The following KLHL6 variants were observed in gnomAD, a reference collection of about 807,000 sequenced individuals.
KLHL6 encodes kelch like family member 6.
Under a neutral mutation model 58.6 loss-of-function variants are expected in KLHL6, and 41 were observed. That is an observed-to-expected ratio of 0.70 (90% CI 0.55 to 0.91). The LOEUF (loss-of-function observed/expected upper bound fraction) is 0.91. KLHL6 is among the 40% of genes least tolerant of loss of function. The pLI is 0.00. For missense variants in KLHL6, 714 were observed against 805.6 expected, an observed-to-expected ratio of 0.89 and a Z score of 1.38; for synonymous variants, 338 against 322.7, an observed-to-expected ratio of 1.05 and a Z score of -0.51.
At chr3:183,535,778 G>A (rs1274435198) in intron 1 of KLHL6, among the ~76,000 whole-genome samples, 1 of 151,206 alleles carries the variant, frequency 6.6e-6, no homozygotes, top group African/African-American at 2.5e-5. Flanking sequence ...GCTAGCCACG[G>A]CTTCCGAATT....
chr3:183,492,533 T>C lies in KLHL6; in HGVS notation c.1525A>G (p.Ile509Val), dbSNP rs772079095. The C allele has an allele frequency of 3.7e-6, 6 of 1,614,112 alleles. No homozygotes were observed. Among genetic ancestry groups the C allele is most frequent in the South Asian group, 1.1e-5 (1 of 91,086 alleles). ...CGGTCCCGGAAACTCACTGCATTGA[T>C]GCATTTAGCCTCCACGGGCATGGCC... ...KAAMPVEAKC[I>V]NAVSFRDRIY... The change falls in exon 6 of 7, where the codon ATC becomes GTC. Residue 509 changes from isoleucine to valine, a missense_variant. This residue lies in a region of KLHL6 where 510 missense variants were observed against 629.7 expected (regional missense o/e 0.81). Transcript: ENST00000341319. The surrounding 1 kb of genome is among the most constrained non-coding windows in gnomAD (Gnocchi z 5.9).
intron 2 of KLHL6, among the ~76,000 whole-genome samples, chr3:183,515,210 G>A (rs778529323): frequency 3.3e-5 from 5 of 152,202 alleles, no homozygotes; most frequent in South Asian, 2.1e-4. Context: ...TTGACTAGAC[G>A]GTGCTTGGAA....
At chr3:183,552,915 C>A (rs775221414) in intron 1 of KLHL6, among the ~76,000 whole-genome samples, 2 of 152,080 alleles carry the variant, frequency 1.3e-5, no homozygotes, top group Non-Finnish European at 2.9e-5. Flanking sequence ...GACTTTGGCT[C>A]ACCGTCGGTA....
At chr3:183,555,129 C>T (rs1479889362) in intron 1 of KLHL6, among the ~76,000 whole-genome samples, 1 of 152,110 alleles carries the variant, frequency 6.6e-6, no homozygotes, top group Non-Finnish European at 1.5e-5. Context: ...TGCGCCATTG[C>T]ACTCCAGCCT....
chr3:183,533,017 G>A lies in KLHL6; in HGVS notation c.294-5007C>T, dbSNP rs568503140. On this transcript the variant is annotated intron_variant, in intron 1 of 6. Transcript: ENST00000341319. ...ATTGAGGCAGTAGCCACACCGCTAG[G>A]GAACATCTCCAAACATTAGTCACTG... Among the ~76,000 whole-genome samples the A allele has an allele frequency of 2.4e-3, 370 of 152,264 alleles. 4 individuals are homozygous for A. Among genetic ancestry groups the A allele is most frequent in the Admixed American group, 7.1e-3 (109 of 15,290 alleles).
intron 1 of KLHL6, among the ~76,000 whole-genome samples, chr3:183,541,608 G>A (rs984971935): frequency 6.6e-6 from 1 of 152,200 alleles, no homozygotes; most frequent in African/African-American, 2.4e-5. Context: ...GGGAGGCCAA[G>A]GCAGGAGGCT....
In KLHL6 at chr3:183,508,167, G is replaced by A; in HGVS notation, c.801C>T (p.Asp267=). The A allele has an allele frequency of 6.2e-7, 1 of 1,614,194 alleles. No individual in the cohort carries two copies. Among genetic ancestry groups the A allele is most frequent in the South Asian group, 1.1e-5 (1 of 91,086 alleles). Reference sequence around the variant, plus strand: ...CCACCGTCTCCACAAAGTACCACGGGTCCAGAAGCGGTAAGCGCACGTTCT... The same window carrying A: ...CCACCGTCTCCACAAAGTACCACGGATCCAGAAGCGGTAAGCGCACGTTCT... The part of the protein sequence containing the change: ...VLENVRLPLL[D]PWYFVETVEA... The change falls in exon 3 of 7, where the codon GAC becomes GAT. Residue 267 remains aspartate (D), a synonymous_variant. Transcript: ENST00000341319.
chr3:183,544,796 A>ACACACACACG (rs1560110799), intron 1 of KLHL6: 1 of 153,670 alleles, frequency 6.5e-6, no homozygotes, highest in Non-Finnish European at 1.4e-5. Flanking sequence ...ACACACACAC[A>ACACACACACG]CACGCACAGC....
At chr3:183,530,138 G>A (rs1712108976) in intron 1 of KLHL6, among the ~76,000 whole-genome samples, 2 of 152,116 alleles carry the variant, frequency 1.3e-5, no homozygotes, top group African/African-American at 4.8e-5. Flanking sequence ...AACCCAAGCT[G>A]AATAAGGCAC....
chr3:183,533,523 A>C (rs557045797), intron 1 of KLHL6, among the ~76,000 whole-genome samples: 1 of 151,310 alleles, frequency 6.6e-6, no homozygotes, highest in Non-Finnish European at 1.5e-5. Context: ...CTCCTTCCTC[A>C]GCTTCCCAAA....
At chr3:183,529,966 T>A (rs914778089) in intron 1 of KLHL6, among the ~76,000 whole-genome samples, 5 of 152,022 alleles carry the variant, frequency 3.3e-5, no homozygotes, top group African/African-American at 1.2e-4. Context: ...TGCTGCCCCG[T>A]GTGAGGACTC....
chr3:183,527,353 C>T (rs1024830075), intron 2 of KLHL6, among the ~76,000 whole-genome samples: 2 of 152,126 alleles, frequency 1.3e-5, no homozygotes, highest in Admixed American at 1.3e-4. Flanking sequence ...CTGAAACATA[C>T]ATTACAAAAG....
intron 2 of KLHL6, among the ~76,000 whole-genome samples, chr3:183,508,976 A>G (rs7617460): frequency 0.068 from 10,422 of 152,306 alleles, 985 homozygotes; most frequent in African/African-American, 0.2. Context: ...AGCAATTTAC[A>G]GGAAATACAG....
intron 1 of KLHL6, among the ~76,000 whole-genome samples, chr3:183,533,823 TCCTAA>T (rs1048151407): frequency 6.6e-6 from 1 of 151,870 alleles, no homozygotes; most frequent in Non-Finnish European, 1.5e-5. Flanking sequence ...ATGGTAACCC[TCCTAA>T]CCTTTCCTTC....
At chr3:183,510,874 A>AAAATAAATACATAAATAAAT (rs1718164089) in intron 2 of KLHL6, among the ~76,000 whole-genome samples, 1 of 148,162 alleles carries the variant, frequency 6.7e-6, no homozygotes, top group Non-Finnish European at 1.5e-5. Context: ...ACTCCATCTC[A>AAAATAAATACATAAATAAAT]AAATAAATAA....
intron 3 of KLHL6, among the ~76,000 whole-genome samples, chr3:183,506,289 C>A (rs1717999182): frequency 6.6e-6 from 1 of 152,310 alleles, no homozygotes; most frequent in African/African-American, 2.4e-5. Flanking sequence ...CCAGGTAGAT[C>A]CAAATGACAT....
Position 183,555,519 on chromosome 3 carries a change from T to G in KLHL6, c.135A>C (p.Glu45Asp). 1 of 1,614,148 alleles carries G rather than the reference T, an allele frequency of 6.2e-7. No individual in the cohort carries two copies. Among genetic ancestry groups the G allele is most frequent in the Non-Finnish European group, 8.5e-7 (1 of 1,180,022 alleles). ...TGDLVEILNG[E>D]KVKFDDAGLS... ...GTCCCGCGTCGTCAAATTTGACCTT[T>G]TCCCCATTTAAGATCTCGACCAAGT... is the stretch of plus-strand genomic sequence containing the variant. Residue 45 changes from glutamate (E) to aspartate (D), a missense_variant, in exon 1 of 7, where the codon GAA (glutamate) becomes GAC (aspartate). Transcript: ENST00000341319.
intron 1 of KLHL6, among the ~76,000 whole-genome samples, chr3:183,551,395 T>C (rs1305228717): frequency 6.6e-6 from 1 of 152,070 alleles, no homozygotes; most frequent in African/African-American, 2.4e-5. Context: ...CATTGGACCA[T>C]ATGAAAGATT....
chr3:183,539,962 A>G (rs556909176), intron 1 of KLHL6, among the ~76,000 whole-genome samples: 1 of 152,326 alleles, frequency 6.6e-6, no homozygotes, highest in Non-Finnish European at 1.5e-5. Flanking sequence ...CATCAATTAC[A>G]ACATATACTT....
Sources: gnomAD v4.1 joint callset for allele counts (sites outside exome capture counted in the v4.1 genomes callset) on GRCh38, gnomAD v4.1.1 for gene constraint, gnomAD v4.1.1 regional missense constraint, Gnocchi (gnomAD v3.1) non-coding constraint, MANE v1.5 for transcripts, NCBI Gene and HGNC (gene_info 2026-07-23, HGNC 2026-07-21) for gene names.